MECOM: variants seen among roughly 807,000 people sequenced by gnomAD.
The protein encoded by MECOM is histone-lysine N-methyltransferase MECOM.
A neutral mutation model predicts 116.3 loss-of-function variants in MECOM; 13 were observed. The observed-to-expected ratio is 0.11, with a 90% CI of 0.07 to 0.18. MECOM has a LOEUF of 0.18. Among genes scored for constraint, MECOM ranks in the 10% least tolerant of loss-of-function variants. The probability of loss-of-function intolerance (pLI) is 1.00; values close to 1 mark genes in which losing one functional copy is unlikely to be tolerated. For synonymous variants in MECOM, 528 were observed against 535.2 expected, an observed-to-expected ratio of 0.99 and a Z score of 0.19; for missense variants, 1,299 against 1,509.0, an observed-to-expected ratio of 0.86 and a Z score of 2.31.
intron 2 of MECOM, among the ~76,000 whole-genome samples, chr3:169,278,658 C>T (rs182831955): frequency 2.0e-5 from 3 of 152,264 alleles, no homozygotes; most frequent in African/African-American, 2.4e-5. Flanking sequence ...GTCTGATAAC[C>T]AATGTACTAG....
At chr3:169,601,830 A>G (rs1248617969) in intron 1 of MECOM, among the ~76,000 whole-genome samples, 1 of 152,228 alleles carries the variant, frequency 6.6e-6, no homozygotes, top group Non-Finnish European at 1.5e-5. Flanking sequence ...ATAATATTCT[A>G]CATGTAGGTT....
chr3:169,601,188 T>C (rs1767793130), intron 1 of MECOM, among the ~76,000 whole-genome samples: 1 of 152,164 alleles, frequency 6.6e-6, no homozygotes, highest in Non-Finnish European at 1.5e-5. Context: ...ACCAACCTCA[T>C]AGTTTTATAA....
In MECOM at chr3:169,305,474, T is replaced by A. The variant is rs1040494312; in HGVS notation, c.375+75713A>T. Among the ~76,000 whole-genome samples, 15 of 152,202 alleles carry A rather than the reference T, an allele frequency of 9.9e-5. 1 individual carries two copies. The highest frequency in any genetic ancestry group is 3.3e-4 in the Admixed American group (5 of 15,286). On this transcript the variant is annotated intron_variant, in intron 2 of 16. Transcript: ENST00000651503. ...CACTTTAGAAATCAGACCAGATATC[T>A]AAGTTCCAAAGTAGCAGAAAAAAAG...
chr3:169,485,961 ATAC>A (rs1172326054), intron 1 of MECOM, among the ~76,000 whole-genome samples: 2 of 87,352 alleles, frequency 2.3e-5, no homozygotes, highest in African/African-American at 1.0e-4. Context: ...ATGTACATAT[ATAC>A]TATATATACA....
At chr3:169,482,626 G>A (rs1401148723) in intron 1 of MECOM, among the ~76,000 whole-genome samples, 1 of 152,242 alleles carries the variant, frequency 6.6e-6, no homozygotes, top group South Asian at 2.1e-4. Flanking sequence ...GAGCCACCGC[G>A]CCCGGCAACC....
intron 2 of MECOM, among the ~76,000 whole-genome samples, chr3:169,257,835 A>C (rs3106818): frequency 0.082 from 12,445 of 152,236 alleles, 578 homozygotes; most frequent in South Asian, 0.22. Flanking sequence ...TTAGAGATGT[A>C]ACCTATATAT....
intron 1 of MECOM, among the ~76,000 whole-genome samples, chr3:169,399,003 G>C (rs1735449750): frequency 6.6e-6 from 1 of 152,162 alleles, no homozygotes; most frequent in African/African-American, 2.4e-5. Flanking sequence ...TCAAGCTCCA[G>C]AGTGAGTTCC....
intron 1 of MECOM, among the ~76,000 whole-genome samples, chr3:169,476,677 T>TC (rs1175687284): frequency 1.3e-5 from 2 of 151,998 alleles, no homozygotes; most frequent in Non-Finnish European, 2.9e-5. Flanking sequence ...ATCTTTTTTT[T>TC]CTCCCCCTTC....
intron 1 of MECOM, among the ~76,000 whole-genome samples, chr3:169,609,076 G>T (rs1434547793): frequency 6.6e-6 from 1 of 152,146 alleles, no homozygotes; most frequent in African/African-American, 2.4e-5. Flanking sequence ...ATCGACACAG[G>T]AATCTCTGCA....
chr3:169,436,687 G>A (rs1223550349), intron 1 of MECOM, among the ~76,000 whole-genome samples: 5 of 152,068 alleles, frequency 3.3e-5, no homozygotes, highest in African/African-American at 1.2e-4. Context: ...ACTTTTCAGT[G>A]CCTAATACAG....
intron 2 of MECOM, among the ~76,000 whole-genome samples, chr3:169,338,895 G>A (rs923063782): frequency 6.6e-6 from 1 of 151,904 alleles, no homozygotes; most frequent in Non-Finnish European, 1.5e-5. Context: ...GGAAAAGGGG[G>A]CTTGGGGAAA....
intron 1 of MECOM, among the ~76,000 whole-genome samples, chr3:169,448,760 T>G (rs1033936277): frequency 2.6e-4 from 39 of 152,204 alleles, no homozygotes; most frequent in Admixed American, 6.5e-5. Context: ...TACTCTTGAT[T>G]ATTTCCAATT....
chr3:169,341,326 T>G (rs929095957), intron 2 of MECOM, among the ~76,000 whole-genome samples: 3 of 151,296 alleles, frequency 2.0e-5, no homozygotes, highest in African/African-American at 7.3e-5. Flanking sequence ...CTCACTTATT[T>G]GTGGGATCTA....
chr3:169,539,019 T>C (rs1448718999), intron 1 of MECOM, among the ~76,000 whole-genome samples: 1 of 151,766 alleles, frequency 6.6e-6, no homozygotes, highest in Non-Finnish European at 1.5e-5. Context: ...AATAAATATT[T>C]TATAGATTCC....
At chr3:169,365,978 G>A (rs1238136206) in intron 2 of MECOM, among the ~76,000 whole-genome samples, 2 of 151,994 alleles carry the variant, frequency 1.3e-5, no homozygotes, top group Non-Finnish European at 2.9e-5. Flanking sequence ...CCTTAGTAAG[G>A]TAATGGAGAG....
chr3:169,661,792 C>T (rs1044352799), intron 1 of MECOM, among the ~76,000 whole-genome samples: 12 of 152,198 alleles, frequency 7.9e-5, no homozygotes, highest in South Asian at 2.1e-4. Flanking sequence ...GTGCGAGGGT[C>T]GCGCGGGGGG....
At chr3:169,633,889 G>C (rs867563948) in intron 1 of MECOM, among the ~76,000 whole-genome samples, 1 of 127,782 alleles carries the variant, frequency 7.8e-6, no homozygotes, top group African/African-American at 3.1e-5. Context: ...GAGGTAAACA[G>C]TAGTGACCCT....
At chr3:169,427,407 A>T (rs748623128) in intron 1 of MECOM, among the ~76,000 whole-genome samples, 2 of 152,168 alleles carry the variant, frequency 1.3e-5, no homozygotes, top group Non-Finnish European at 2.9e-5. Context: ...CTATAGGCCG[A>T]TATTTTCACA....
At chr3:169,518,755 G>A (rs931532217) in intron 1 of MECOM, among the ~76,000 whole-genome samples, 2 of 152,168 alleles carry the variant, frequency 1.3e-5, no homozygotes, top group African/African-American at 4.8e-5. Context: ...AACCTTATGG[G>A]AGGTGATTGA....
Sources: allele counts gnomAD v4.1 joint callset (sites outside exome capture counted in the v4.1 genomes callset), GRCh38; gene constraint gnomAD v4.1.1; transcripts MANE v1.5; gene names NCBI Gene and HGNC (gene_info 2026-07-23, HGNC 2026-07-21).